Variants in PPA1 observed in about 807,000 individuals in gnomAD.
The protein encoded by PPA1 is inorganic pyrophosphatase 1.
In PPA1, 23 loss-of-function variants were observed where a neutral mutation model predicts 41.8. That is an observed-to-expected ratio of 0.55 (90% CI 0.40 to 0.78). The LOEUF (loss-of-function observed/expected upper bound fraction) is 0.78. Among genes scored for constraint, PPA1 ranks in the 30% least tolerant of loss-of-function variants. The pLI is 0.00. For synonymous variants in PPA1, 101 were observed against 116.8 expected, an observed-to-expected ratio of 0.86 and a Z score of 0.87; for missense variants, 320 against 361.6, an observed-to-expected ratio of 0.89 and a Z score of 0.93.
rs1162693541 is a variant in PPA1, at chr10:70,214,526, T to C, written c.358A>G (p.Ile120Val). The C allele has an allele frequency of 7.4e-6, 12 of 1,613,648 alleles. No homozygotes were observed. The highest frequency in any genetic ancestry group is 1.0e-5 in the Non-Finnish European group (12 of 1,179,770). ...HTGCCGDNDPIDVCEIGSKVC... is the reference protein window; with the variant it reads ...HTGCCGDNDPVDVCEIGSKVC... The stretch of plus-strand genomic sequence containing the variant: ...TTGCTTCCAATTTCACACACATCAA[T>C]TGGGTCATTGTCACCACAACAGCCA... The change falls in exon 5 of 11, where the codon ATT becomes GTT. Residue 120 changes from isoleucine (I) to valine (V), a missense_variant. Physicochemically the swap from Ile to Val is conservative, Grantham distance 29. Coordinates refer to ENST00000373232, the MANE Select transcript of PPA1 (RefSeq NM_021129.4).
Position 70,209,884 on chromosome 10 carries a change from C to T in PPA1, c.512-199G>A. The T allele has an allele frequency of 3.4e-6, 2 of 587,322 alleles. 1 individual carries two copies. The highest frequency in any genetic ancestry group is 5.8e-6 in the Non-Finnish European group (2 of 344,056). 36.4% of individuals were successfully genotyped at this position (587,322 alleles called of 1,614,324 possible). On this transcript the variant is annotated intron_variant, in intron 6 of 10. Coordinates refer to ENST00000373232, the MANE Select transcript of PPA1 (RefSeq NM_021129.4). ...CGAAGCCCCTTGTTGAGAAGAGAAG[C>T]CATACACATATACATTGAAAGAAAA... is the stretch of plus-strand genomic sequence containing the variant.
At chr10:70,222,330 C>T (rs1462049306) in intron 2 of PPA1, among the ~76,000 whole-genome samples, 5 of 97,718 alleles carry the variant, frequency 5.1e-5, no homozygotes, top group African/African-American at 8.0e-5. Flanking sequence ...AGCAAGACTC[C>T]GTCTCAAAAA....
At chr10:70,216,750 T>C (rs1048534221) in intron 4 of PPA1, among the ~76,000 whole-genome samples, 1 of 152,206 alleles carries the variant, frequency 6.6e-6, no homozygotes, top group Non-Finnish European at 1.5e-5. Flanking sequence ...CTAGCCAAAA[T>C]AGAATTAAAT....
At chr10:70,212,157 A>C (rs894272257) in intron 6 of PPA1, among the ~76,000 whole-genome samples, 3 of 152,208 alleles carry the variant, frequency 2.0e-5, no homozygotes, top group African/African-American at 7.2e-5. Context: ...TTGAGAATGG[A>C]GTATCTGCAT....
intron 2 of PPA1, among the ~76,000 whole-genome samples, chr10:70,229,547 T>C (rs576502904): frequency 2.2e-4 from 34 of 152,252 alleles, no homozygotes; most frequent in Admixed American, 2.6e-4. Flanking sequence ...CAGGAACAGC[T>C]ATGTCCTTTT....
intron 8 of PPA1, among the ~76,000 whole-genome samples, chr10:70,208,803 T>C (rs1184745279): frequency 6.6e-6 from 1 of 151,696 alleles, no homozygotes; most frequent in Non-Finnish European, 1.5e-5. Flanking sequence ...TCTTTTTTTT[T>C]TTTTTTTGAG....
rs1223771433 is a variant in PPA1, at chr10:70,217,932, C to A, written c.178-1G>T. On this transcript the variant is annotated splice_acceptor_variant, in intron 3 of 10. Coordinates refer to ENST00000373232, the MANE Select transcript of PPA1 (RefSeq NM_021129.4). LOFTEE classifies it high-confidence loss of function. ...GGTTTAAAGGGTCCTTTGTAGCAAT[C>A]TGAAATAAGAAAATTTCAAATCTTT... 1.3e-6 allele frequency: 2 copies of A among 1,545,084 alleles called. No homozygotes were observed. Among genetic ancestry groups the A allele is most frequent in the Non-Finnish European group, 1.8e-6 (2 of 1,141,134 alleles).
chr10:70,233,204 C>A, intron 1 of PPA1, 60 bp downstream of exon 1: 1 of 1,504,286 alleles, frequency 6.6e-7, no homozygotes. Context: ...CCCGGGGAGG[C>A]AAGGCCCGGG....
At chr10:70,222,578 G>A (rs985928597) in intron 2 of PPA1, among the ~76,000 whole-genome samples, 1 of 152,114 alleles carries the variant, frequency 6.6e-6, no homozygotes, top group Non-Finnish European at 1.5e-5. Flanking sequence ...TGGTTCAGGG[G>A]TAGAATTCTC....
chr10:70,221,077 T>TATATATATATA (rs1491245702), intron 2 of PPA1, among the ~76,000 whole-genome samples: 3 of 9,972 alleles, frequency 3.0e-4, no homozygotes, highest in African/African-American at 8.1e-4. Context: ...TATATATATA[T>TATATATATATA]TTTTTTTTTT....
chr10:70,232,692 G>A (rs1222148295), intron 1 of PPA1, among the ~76,000 whole-genome samples: 6 of 152,214 alleles, frequency 3.9e-5, no homozygotes, highest in Non-Finnish European at 8.8e-5. Flanking sequence ...CGCAGAGGCA[G>A]GAGCACGACC....
At chr10:70,206,710 GGCGCATGCCTGTA>G in intron 8 of PPA1, among the ~76,000 whole-genome samples, 1 of 151,470 alleles carries the variant, frequency 6.6e-6, no homozygotes, top group East Asian at 2.0e-4. Flanking sequence ...CGGGCATGGT[GGCGCATGCCTGTA>G]GTCCCAGCTA....
At chr10:70,217,790 C>A in intron 4 of PPA1, 22 bp downstream of exon 4, 1 of 1,511,396 alleles carries the variant, frequency 6.6e-7, no homozygotes. Context: ...AGTACATTGT[C>A]AGCAGTTGCA....
At chr10:70,223,536 G>A (rs1413979027) in intron 2 of PPA1, among the ~76,000 whole-genome samples, 1 of 152,170 alleles carries the variant, frequency 6.6e-6, no homozygotes, top group East Asian at 1.9e-4. Flanking sequence ...TTGTAAGGAG[G>A]GGGTGTTCCA....
chr10:70,222,197 G>A (rs1211510346), intron 2 of PPA1, among the ~76,000 whole-genome samples: 3 of 151,900 alleles, frequency 2.0e-5, no homozygotes, highest in Non-Finnish European at 4.4e-5. Context: ...TTAGCTGGGC[G>A]TGGTGGCAGG....
chr10:70,213,661 C>G (rs1432235575), intron 5 of PPA1, 72 bp from the exon 6 acceptor site: 2 of 1,491,578 alleles, frequency 1.3e-6, no homozygotes, highest in African/African-American at 2.8e-5. Flanking sequence ...ACTTGGCTAA[C>G]AGGAAATAAG....
At chr10:70,210,279 G>A in intron 6 of PPA1, 1 of 811,440 alleles carries the variant, frequency 1.2e-6, no homozygotes, top group South Asian at 1.4e-5. Flanking sequence ...GTCTCGTCAT[G>A]TTGCCCAGGC....
rs755273797 is a variant in PPA1 at position 70,213,478 on chromosome 10, C to T, written c.496G>A (p.Ala166Thr). The change falls in exon 6 of 11, where the codon GCA (alanine) becomes ACA (threonine). Residue 166 changes from alanine (A) to threonine (T), a missense_variant. Physicochemically the swap from Ala to Thr is moderately conservative, Grantham distance 58. Coordinates refer to ENST00000373232, the MANE Select transcript of PPA1 (RefSeq NM_021129.4). ...ATTTTCTTACCATTATAATTGGCTG[C>T]ATCAGGATCATCCACATTAATGGCA... The part of the protein sequence containing the change: ...VIAINVDDPD[A>T]ANYNDINDVK... 3 of 1,613,842 alleles carry T rather than the reference C, an allele frequency of 1.9e-6. No homozygotes were observed. The highest frequency in any genetic ancestry group is 2.7e-5 in the African/African-American group (2 of 74,932).
At chr10:70,219,261 C>A (rs955099712) in intron 2 of PPA1, among the ~76,000 whole-genome samples, 1 of 152,134 alleles carries the variant, frequency 6.6e-6, no homozygotes, top group Non-Finnish European at 1.5e-5. Flanking sequence ...AGAATAAAAG[C>A]TGACAGTGGA....
Sources: allele counts gnomAD v4.1 joint callset (sites outside exome capture counted in the v4.1 genomes callset), GRCh38; gene constraint gnomAD v4.1.1; transcripts MANE v1.5; gene names NCBI Gene and HGNC (gene_info 2026-07-23, HGNC 2026-07-21).